The following FBRSL1 variants were observed in gnomAD, a reference collection of about 807,000 sequenced individuals.
The protein encoded by FBRSL1 is fibrosin like 1, also known as fibrosin-1-like protein.
Under a neutral mutation model 89.6 loss-of-function variants are expected in FBRSL1, and 51 were observed. That is an observed-to-expected ratio of 0.57 (90% confidence interval 0.45 to 0.72). The LOEUF (loss-of-function observed/expected upper bound fraction) is 0.72. FBRSL1 is among the 30% of genes least tolerant of loss of function. The pLI, the probability that FBRSL1 is intolerant of heterozygous loss-of-function variation, is 0.00. For synonymous variants in FBRSL1, 779 were observed against 681.1 expected, an observed-to-expected ratio of 1.14 and a Z score of -2.24; for missense variants, 1,618 against 1,451.8, an observed-to-expected ratio of 1.11 and a Z score of -1.86.
chr12:132,525,785 G>A lies in FBRSL1; in HGVS notation c.541G>A (p.Val181Ile), dbSNP rs1319488251. 1.8e-5 allele frequency: 28 copies of A among 1,549,846 alleles called. No homozygotes were observed. The highest frequency in any genetic ancestry group is 2.3e-5 in the Non-Finnish European group (26 of 1,146,310). ...GGDRDSDDDSVLEATSSRDPL... is the reference protein window; with the variant it reads ...GGDRDSDDDSILEATSSRDPL... The stretch of plus-strand genomic sequence containing the variant: ...CGACCGGGACAGTGACGACGACAGC[G>A]TCCTCGAAGCCACCAGCTCCCGGGA... Residue 181 changes from valine (V) to isoleucine (I), a missense_variant, in exon 3 of 19, where the codon GTC becomes ATC. Coordinates refer to ENST00000680143, the MANE Select transcript of FBRSL1 (RefSeq NM_001367871.1).
At chr12:132,519,825 T>A (rs1028663557) in intron 2 of FBRSL1, among the ~76,000 whole-genome samples, 1 of 151,382 alleles carries the variant, frequency 6.6e-6, no homozygotes, top group African/African-American at 2.4e-5. Context: ...AGAGAATCGC[T>A]TGAACCCGGG....
chr12:132,581,623 T>C, intron 16 of FBRSL1, 107 bp downstream of exon 16: 1 of 1,481,892 alleles, frequency 6.7e-7, no homozygotes, highest in Non-Finnish European at 9.2e-7. Context: ...AGGGAGCCCC[T>C]TGGGTCATGC....
chr12:132,492,023 G>T (rs1008579587), intron 1 of FBRSL1, among the ~76,000 whole-genome samples: 1 of 152,218 alleles, frequency 6.6e-6, no homozygotes, highest in African/African-American at 2.4e-5. Context: ...CCATTGCTCT[G>T]TGCTGGGACG....
chr12:132,492,713 G>C (rs1338228995), intron 1 of FBRSL1, among the ~76,000 whole-genome samples: 2 of 152,198 alleles, frequency 1.3e-5, no homozygotes, highest in African/African-American at 4.8e-5. Context: ...TAGACCAGCT[G>C]GCCCCTCAGG....
intron 2 of FBRSL1, among the ~76,000 whole-genome samples, chr12:132,516,080 A>G (rs1248653512): frequency 1.3e-5 from 2 of 152,296 alleles, no homozygotes; most frequent in East Asian, 1.9e-4. Flanking sequence ...ATAGACACGA[A>G]AAAGGTGAAA....
Position 132,508,213 on chromosome 12 carries a change from A to G in FBRSL1, c.352A>G (p.Lys118Glu). ...KEKWERRLIKKPRESETCPPA... is the reference protein window; with the variant it reads ...KEKWERRLIKEPRESETCPPA... ...GAAGTGGGAGCGTCGTCTCATCAAG[A>G]AGCCCCGGGAGTCGGAAACCTGCCC... Residue 118 changes from lysine to glutamate, a missense_variant, in exon 2 of 19, where the codon AAG becomes GAG. Physicochemically the swap from Lys to Glu is moderately conservative, Grantham distance 56. Coordinates refer to ENST00000680143, the MANE Select transcript of FBRSL1 (RefSeq NM_001367871.1). 4 of 1,551,056 alleles carry G rather than the reference A, an allele frequency of 2.6e-6. No individual in the cohort carries two copies. Among genetic ancestry groups the G allele is most frequent in the Non-Finnish European group, 3.5e-6 (4 of 1,146,902 alleles).
intron 2 of FBRSL1, among the ~76,000 whole-genome samples, chr12:132,522,274 G>A (rs370494752): frequency 9.2e-5 from 14 of 152,130 alleles, no homozygotes; most frequent in Admixed American, 7.2e-4. Context: ...GACTGAGCCC[G>A]AGCCTCCCAG....
intron 12 of FBRSL1, 25 bp from the exon 13 acceptor site, chr12:132,574,294 T>C: frequency 6.6e-7 from 1 of 1,520,426 alleles, no homozygotes; most frequent in Admixed American, 2.2e-5. Flanking sequence ...GGCCCGGACC[T>C]CACACTCCTT....
intron 4 of FBRSL1, among the ~76,000 whole-genome samples, chr12:132,534,175 C>A (rs1421788153): frequency 1.3e-5 from 2 of 152,188 alleles, no homozygotes; most frequent in African/African-American, 4.8e-5. Flanking sequence ...AGCATGGGGG[C>A]AGCAGGGACT....
rs553881034 is a variant in FBRSL1, at chr12:132,525,841, C to T, written c.579+18C>T. 3.5e-5 allele frequency: 54 copies of T among 1,536,572 alleles called. No individual in the cohort carries two copies. The highest frequency in any genetic ancestry group is 7.4e-5 in the East Asian group (3 of 40,518). The stretch of plus-strand genomic sequence containing the variant: ...TCAGCGATGTGAGTACCCAGCTGCC[C>T]GCGCCCGGAGGCTCCGAGTCTGGGC... On this transcript the variant is annotated intron_variant, in intron 3 of 18. Transcript: ENST00000680143.
At chr12:132,581,388 A>C in intron 15 of FBRSL1, 51 bp from the exon 16 acceptor site, 1 of 1,550,538 alleles carries the variant, frequency 6.4e-7, no homozygotes, top group Admixed American at 2.0e-5. Flanking sequence ...TGCAGATGGG[A>C]GGCCCTGGTG....
At position 132,504,204 on chromosome 12, in the gene FBRSL1, G is replaced by A. The variant is rs1426665636; in HGVS notation, c.292-3949G>A. On this transcript the variant is annotated intron_variant, in intron 1 of 18. Transcript: ENST00000680143. ...GTGGCCACCTGGCTGCAGGGGGTGG[G>A]CCAGGCCTTGGTGCAAACAGGCAGC... Among the ~76,000 whole-genome samples the A allele has an allele frequency of 6.1e-5, 9 of 147,684 alleles. No homozygotes were observed. The East Asian group carries it at 1.8e-3, about 29-fold the overall frequency.
chr12:132,541,473 G>A (rs1208434510), intron 4 of FBRSL1, among the ~76,000 whole-genome samples: 1 of 152,216 alleles, frequency 6.6e-6, no homozygotes, highest in Non-Finnish European at 1.5e-5. Context: ...TGCGTGGGGT[G>A]AGTGCACAAG....
chr12:132,567,498 G>A lies in FBRSL1; in HGVS notation c.663G>A (p.Glu221=), dbSNP rs1192607032. The A allele has an allele frequency of 6.4e-7, 1 of 1,551,052 alleles. No individual in the cohort carries two copies. Among genetic ancestry groups the A allele is most frequent in the Non-Finnish European group, 8.7e-7 (1 of 1,146,920 alleles). The change falls in exon 6 of 19, where the codon GAG becomes GAA. Residue 221 remains glutamate (E), a synonymous_variant. Transcript: ENST00000680143. ...GPDDKASVGS[E]KLFAPGTDKG... Reference sequence around the variant, plus strand: ...CTCTCCAGGCATCCGTGGGCTCTGAGAAGCTCTTTGCGCCGGGAACCGATA... The same window carrying A: ...CTCTCCAGGCATCCGTGGGCTCTGAAAAGCTCTTTGCGCCGGGAACCGATA...
chr12:132,559,940 C>A, intron 5 of FBRSL1: 1 of 148,282 alleles, frequency 6.7e-6, no homozygotes, highest in South Asian at 1.8e-4. Flanking sequence ...GCCCCCGCCC[C>A]GCCCGCGCTC....
At chr12:132,543,090 G>A (rs112840255) in intron 4 of FBRSL1, among the ~76,000 whole-genome samples, 1 of 152,206 alleles carries the variant, frequency 6.6e-6, no homozygotes, top group Admixed American at 6.5e-5. Context: ...TGCCTCTGAG[G>A]GATGAGGGAA....
intron 5 of FBRSL1, chr12:132,551,868 C>T (rs1177342154): frequency 3.3e-6 from 1 of 298,670 alleles, no homozygotes; most frequent in Admixed American, 4.1e-5. Context: ...TATGGGACTC[C>T]ATAGGCAGCC....
chr12:132,570,062 GC>G lies in FBRSL1; in HGVS notation c.833del (p.Pro278ArgfsTer10), dbSNP rs1242599156. Reference sequence around the variant, plus strand: ...CGCCCCATGCCGCGCCCTGCCCGGGGCCCCCGCCCGGCTCCCGCGCCAATCC... The same window carrying G: ...CGCCCCATGCCGCGCCCTGCCCGGGGCCCCGCCCGGCTCCCGCGCCAATCC... ...PAPHAAPCPG[P>X]PPGSRANPLV... On this transcript the variant is annotated frameshift_variant, in exon 7 of 19. Transcript: ENST00000680143. LOFTEE classifies it high-confidence loss of function. 2.7e-6 allele frequency: 4 copies of G among 1,495,024 alleles called. No homozygotes were observed. In the Admixed American group the frequency reaches 6.7e-5, roughly 25 times the overall value. The allele number at this position is 1,495,024 out of a possible 1,614,324, so 92.6% of individuals were successfully genotyped here. A position where few individuals can be genotyped will look rare whatever the true frequency, so the allele number is the denominator to read the frequency against.
intron 8 of FBRSL1, 46 bp downstream of exon 8, chr12:132,570,586 T>G (rs2137881780): frequency 7.0e-7 from 1 of 1,420,606 alleles, no homozygotes; most frequent in Non-Finnish European, 9.2e-7. Flanking sequence ...GGTTGGGGGG[T>G]GCGGGGACAC....
Sources: allele counts gnomAD v4.1 joint callset (sites outside exome capture counted in the v4.1 genomes callset), GRCh38; gene constraint gnomAD v4.1.1; transcripts MANE v1.5; gene names NCBI Gene and HGNC (gene_info 2026-07-23, HGNC 2026-07-21).